Variants in KHDC4 observed in about 807,000 individuals in gnomAD.
KHDC4 encodes the protein KH homology domain-containing protein 4.
KHDC4 carries 19 observed loss-of-function variants against 74.5 expected under a neutral mutation model. That is an observed-to-expected ratio of 0.26 (90% CI 0.18 to 0.37). KHDC4 has a LOEUF of 0.37. Ranked by LOEUF, KHDC4 falls within the 10% of genes least tolerant of loss-of-function variation. The pLI is 1.00. For missense variants in KHDC4, 632 were observed against 754.1 expected, an observed-to-expected ratio of 0.84 and a Z score of 1.90; for synonymous variants, 253 against 266.1, an observed-to-expected ratio of 0.95 and a Z score of 0.48.
At chr1:155,929,996 T>C (rs557757013) in intron 2 of KHDC4, among the ~76,000 whole-genome samples, 156 bp from the exon 3 acceptor site, 1 of 152,318 alleles carries the variant, frequency 6.6e-6, no homozygotes, top group East Asian at 1.9e-4. Context: ...CACTGCAACT[T>C]CCGCCTCCTG....
Position 155,925,816 on chromosome 1 carries a change from C to A in KHDC4, c.709G>T (p.Val237Leu). The A allele has an allele frequency of 6.2e-7, 1 of 1,613,634 alleles. No individual in the cohort carries two copies. Among genetic ancestry groups the A allele is most frequent in the Non-Finnish European group, 8.5e-7 (1 of 1,179,562 alleles). Residue 237 changes from valine (V) to leucine (L), a missense_variant, in exon 7 of 14, where the codon GTG becomes TTG. Val to Leu is a conservative substitution (Grantham distance 32). Coordinates refer to ENST00000368321, the MANE Select transcript of KHDC4 (RefSeq NM_014949.4). The part of the protein sequence containing the change: ...GMHYVQDKLF[V>L]GLEHAVPTFN... ...GTGGGTACAGCATGTTCTAGACCCA[C>A]AAATAATTTATCTTGAACATAATGC...
chr1:155,923,773 A>C, intron 7 of KHDC4, 86 bp from the exon 8 acceptor site: 1 of 994,862 alleles, frequency 1.0e-6, no homozygotes, highest in Admixed American at 1.9e-5. Context: ...GCTATTTTAC[A>C]TATCTACATT....
chr1:155,925,054 T>C (rs1416937831), intron 7 of KHDC4, among the ~76,000 whole-genome samples: 1 of 138,034 alleles, frequency 7.2e-6, no homozygotes, highest in Non-Finnish European at 1.5e-5. Context: ...TGAGATGGAG[T>C]CTCGCTCTGT....
chr1:155,918,110 G>A (rs1287485999), intron 10 of KHDC4, among the ~76,000 whole-genome samples: 1 of 152,198 alleles, frequency 6.6e-6, no homozygotes, highest in Non-Finnish European at 1.5e-5. Flanking sequence ...TCTAATGTTT[G>A]AAGATGTTGT....
At chr1:155,929,662 T>C (rs761762051) in intron 3 of KHDC4, 50 bp downstream of exon 3, 1 of 1,583,542 alleles carries the variant, frequency 6.3e-7, no homozygotes, top group South Asian at 1.2e-5. Flanking sequence ...AGGTCTTCTT[T>C]ATCTGAATCC....
intron 8 of KHDC4, 106 bp downstream of exon 8, chr1:155,923,521 C>G: frequency 1.2e-6 from 1 of 808,046 alleles, no homozygotes; most frequent in South Asian, 1.5e-5. Context: ...ACTGCCATAA[C>G]TTGTTATAGC....
intron 13 of KHDC4, 43 bp downstream of exon 13, chr1:155,915,830 A>G (rs1264702348): frequency 7.9e-7 from 1 of 1,260,092 alleles, no homozygotes; most frequent in Non-Finnish European, 1.1e-6. Context: ...GCTTTAGACC[A>G]GTCTTAGCCA....
At chr1:155,927,837 CACACACACACACA>C (rs1674047846) in intron 4 of KHDC4, among the ~76,000 whole-genome samples, 2 of 10,726 alleles carry the variant, frequency 1.9e-4, no homozygotes, top group African/African-American at 4.1e-4. Flanking sequence ...AAAAACCACA[CACACACACACACA>C]CACACACACA....
In KHDC4 at chr1:155,913,810, G is replaced by A; in HGVS notation, c.*311C>T. 7.0e-6 allele frequency: 2 copies of A among 285,342 alleles called. No homozygotes were observed. The highest frequency in any genetic ancestry group is 1.3e-5 in the Non-Finnish European group (2 of 150,834). The allele number at this position is 285,342 out of a possible 1,614,324, so 17.7% of individuals were successfully genotyped here. A position where few individuals can be genotyped will look rare whatever the true frequency, so the allele number is the denominator to read the frequency against. ...TGGGGCTATTCACCTGGAAAAGGCT[G>A]ACCAGGTCAAATGTGTATGGGAACG... is the stretch of plus-strand genomic sequence containing the variant. On this transcript the variant is annotated 3_prime_UTR_variant, in exon 14 of 14. Transcript: ENST00000368321.
Position 155,914,110 on chromosome 1 carries a change from T to C in KHDC4, c.*11A>G. 1 of 1,609,604 alleles carries C rather than the reference T, an allele frequency of 6.2e-7. No individual in the cohort carries two copies. The highest frequency in any genetic ancestry group is 8.5e-7 in the Non-Finnish European group (1 of 1,175,894). ...GAGTCACTGAGGGTCAAAACTCTGT[T>C]CCACTGTTTCCTAGGGAGCCATCCA... On this transcript the variant is annotated 3_prime_UTR_variant, in exon 14 of 14. Coordinates refer to ENST00000368321, the MANE Select transcript of KHDC4 (RefSeq NM_014949.4).
chr1:155,926,793 T>A lies in KHDC4; in HGVS notation c.564A>T (p.Lys188Asn). ...AAGTTGGACTTGTTCCTGTGGCAGC[T>A]TTTACCACTCCATTGGTGATAATTT... is the stretch of plus-strand genomic sequence containing the variant. ...IKEIITNGVV[K>N]AATGTSPTFN... The change falls in exon 6 of 14, where the codon AAA (lysine) becomes AAT (asparagine). Residue 188 changes from lysine to asparagine, a missense_variant. Physicochemically the swap from Lys to Asn is moderately conservative, Grantham distance 94 (BLOSUM62 0). This residue lies in a region of KHDC4 where 233 missense variants were observed against 342.6 expected (regional missense o/e 0.68). Transcript: ENST00000368321. 6.2e-7 allele frequency: 1 copy of A among 1,614,146 alleles called. No homozygotes were observed. Among genetic ancestry groups the A allele is most frequent in the Non-Finnish European group, 8.5e-7 (1 of 1,180,006 alleles).
intron 2 of KHDC4, among the ~76,000 whole-genome samples, chr1:155,931,707 G>A (rs1224554944): frequency 6.6e-6 from 1 of 152,162 alleles, no homozygotes; most frequent in African/African-American, 2.4e-5. Context: ...GGGACTACAG[G>A]GGCCTATCTC....
chr1:155,924,083 C>A (rs537061636), intron 7 of KHDC4, among the ~76,000 whole-genome samples: 1 of 152,046 alleles, frequency 6.6e-6, no homozygotes, highest in Admixed American at 6.6e-5. Flanking sequence ...TTTGGGAGAC[C>A]GAGACAGGCG....
chr1:155,928,101 G>A lies in KHDC4; in HGVS notation c.465-945C>T, dbSNP rs527366327. Among the ~76,000 whole-genome samples the A allele has an allele frequency of 5.9e-5, 9 of 151,934 alleles. 1 individual carries two copies. The South Asian group carries it at 1.7e-3, about 28-fold the overall frequency. ...TAAATACATTCTTGGGGCTGGGCAC[G>A]GTGGCTCATGCCTGTAATCCCAGCA... On this transcript the variant is annotated intron_variant, in intron 4 of 13. Transcript: ENST00000368321.
intron 4 of KHDC4, 126 bp from the exon 5 acceptor site, chr1:155,927,282 A>T (rs562182516): frequency 4.4e-6 from 3 of 684,106 alleles, no homozygotes; most frequent in South Asian, 1.7e-5. Context: ...TATATACATT[A>T]GAAGGGTTTT....
At chr1:155,921,749 C>T in intron 9 of KHDC4, 112 bp downstream of exon 9, 2 of 1,436,562 alleles carry the variant, frequency 1.4e-6, no homozygotes, top group Non-Finnish European at 1.9e-6. Context: ...CCAAATTACC[C>T]TAAATTAAAG....
At position 155,929,829 on chromosome 1, in the gene KHDC4, A is replaced by G; in HGVS notation, c.267T>C (p.Pro89=). Residue 89 remains proline, a synonymous_variant, in exon 3 of 14, where the codon CCT becomes CCC. Transcript: ENST00000368321. Reference sequence around the variant, plus strand: ...TTTTATTGCTAGTTAGGCCTTTGCCAGGAGCCTGAAGCTAGAAAAAAGAGA... The same window carrying G: ...TTTTATTGCTAGTTAGGCCTTTGCCGGGAGCCTGAAGCTAGAAAAAAGAGA... ...TQNASEKLQA[P]GKGLTSNKSK... 6.3e-7 allele frequency: 1 copy of G among 1,582,822 alleles called. No individual in the cohort carries two copies. Among genetic ancestry groups the G allele is most frequent in the Non-Finnish European group, 8.6e-7 (1 of 1,166,656 alleles).
chr1:155,927,260 A>G, intron 4 of KHDC4, 104 bp from the exon 5 acceptor site: 1 of 842,582 alleles, frequency 1.2e-6, no homozygotes, highest in Non-Finnish European at 2.0e-6. Context: ...TTTCCAAATA[A>G]CCAAAAGGGA....
At position 155,921,364 on chromosome 1, in the gene KHDC4, T is replaced by C. The variant is rs1165401344; in HGVS notation, c.1266+11A>G. 2 of 1,612,664 alleles carry C rather than the reference T, an allele frequency of 1.2e-6. No homozygotes were observed. Among genetic ancestry groups the C allele is most frequent in the African/African-American group, 2.7e-5 (2 of 74,918 alleles). On this transcript the variant is annotated intron_variant, in intron 10 of 13. Transcript: ENST00000368321. ...TTCAGTAATATGTTGTTGCATATCC[T>C]GACATCCTACCTGTCCAGTGCTAGC...
Sources: allele counts gnomAD v4.1 joint callset (sites outside exome capture counted in the v4.1 genomes callset), GRCh38; gene constraint gnomAD v4.1.1; regional missense constraint gnomAD v4.1.1; transcripts MANE v1.5; gene names NCBI Gene and HGNC (gene_info 2026-07-23, HGNC 2026-07-21).